Variants in SLC9A8 observed in about 807,000 individuals in gnomAD.
SLC9A8 encodes solute carrier family 9 member A8.
In SLC9A8, 48 loss-of-function variants were observed where a neutral mutation model predicts 66.6. The observed-to-expected ratio is 0.72, with a 90% confidence interval of 0.57 to 0.92. SLC9A8 has a LOEUF of 0.92. Ranked by LOEUF, SLC9A8 falls within the 40% of genes least tolerant of loss-of-function variation. SLC9A8 has a pLI of 0.00. For synonymous variants in SLC9A8, 274 were observed against 282.6 expected, an observed-to-expected ratio of 0.97 and a Z score of 0.31; for missense variants, 599 against 747.3, an observed-to-expected ratio of 0.80 and a Z score of 2.31.
At chr20:49,815,477 G>A (rs559301830) in intron 2 of SLC9A8, 4 of 243,752 alleles carry the variant, frequency 1.6e-5, no homozygotes, top group Non-Finnish European at 1.6e-5. Flanking sequence ...GGCCTGGCGC[G>A]GTGGCTCAAG....
chr20:49,883,938 A>G lies in SLC9A8; in HGVS notation c.1363A>G (p.Ile455Val). The change falls in exon 14 of 16, where the codon ATC becomes GTC. Residue 455 changes from isoleucine to valine, a missense_variant. Physicochemically the swap from Ile to Val is conservative, Grantham distance 29 (BLOSUM62 3). Around this residue, in one of 2 missense-constraint regions of SLC9A8, gnomAD observed 467 missense variants for 626.5 expected, o/e 0.75. Coordinates refer to ENST00000361573, the MANE Select transcript of SLC9A8 (RefSeq NM_015266.3). ...GCTCATCGGCACCACCACCATCGTC[A>G]TCGTGCTCTTCACCATCCTGCTGCT... ...RQLIGTTTIV[I>V]VLFTILLLGG... 6.2e-7 allele frequency: 1 copy of G among 1,612,762 alleles called. No homozygotes were observed. The highest frequency in any genetic ancestry group is 8.5e-7 in the Non-Finnish European group (1 of 1,179,988).
At chr20:49,867,892 G>A (rs960461678) in intron 10 of SLC9A8, among the ~76,000 whole-genome samples, 2 of 152,204 alleles carry the variant, frequency 1.3e-5, no homozygotes, top group African/African-American at 4.8e-5. Context: ...CTACCCAGTC[G>A]CTATCCGGAG....
At chr20:49,887,335 T>A (rs567531905) in intron 15 of SLC9A8, among the ~76,000 whole-genome samples, 45 of 152,246 alleles carry the variant, frequency 3.0e-4, no homozygotes, top group Non-Finnish European at 4.4e-5. Flanking sequence ...CTGCCCGCTT[T>A]GTTTCCGAGC....
chr20:49,820,574 T>C (rs1375915224), intron 2 of SLC9A8, among the ~76,000 whole-genome samples: 1 of 152,028 alleles, frequency 6.6e-6, no homozygotes, highest in East Asian at 1.9e-4. Flanking sequence ...TGAGATGGAA[T>C]CTTGCTCTGT....
chr20:49,858,020 C>T (rs946144918), intron 8 of SLC9A8, among the ~76,000 whole-genome samples: 75 of 152,198 alleles, frequency 4.9e-4, no homozygotes, highest in African/African-American at 1.5e-3. Context: ...GTATCACACA[C>T]ATTGCTACTA....
chr20:49,879,309 G>A (rs1202735111), intron 12 of SLC9A8, among the ~76,000 whole-genome samples: 1 of 152,170 alleles, frequency 6.6e-6, no homozygotes, highest in Non-Finnish European at 1.5e-5. Context: ...TCAAGAGCAT[G>A]GGCTTTGGGG....
At chr20:49,841,683 C>G (rs948106242) in intron 4 of SLC9A8, among the ~76,000 whole-genome samples, 1 of 152,116 alleles carries the variant, frequency 6.6e-6, no homozygotes, top group Non-Finnish European at 1.5e-5. Flanking sequence ...CTCTGCCTCC[C>G]GGGTTCAAGT....
intron 8 of SLC9A8, among the ~76,000 whole-genome samples, chr20:49,857,095 C>T (rs1034545878): frequency 6.6e-6 from 1 of 152,104 alleles, no homozygotes; most frequent in Non-Finnish European, 1.5e-5. Flanking sequence ...AGATTTTTGC[C>T]AAAACACAGA....
intron 3 of SLC9A8, among the ~76,000 whole-genome samples, chr20:49,832,083 C>T (rs1429409440): frequency 6.6e-6 from 1 of 152,160 alleles, no homozygotes; most frequent in African/African-American, 2.4e-5. Context: ...GGTCTCCTCC[C>T]CGCAGTCCCA....
At chr20:49,815,340 C>CCT in intron 2 of SLC9A8, 151 bp downstream of exon 2, 1 of 490,668 alleles carries the variant, frequency 2.0e-6, no homozygotes, top group South Asian at 5.4e-5. Context: ...CAGTTTATAA[C>CCT]ATCATTAACA....
chr20:49,824,428 C>A (rs1438528209), intron 3 of SLC9A8, among the ~76,000 whole-genome samples: 1 of 152,160 alleles, frequency 6.6e-6, no homozygotes, highest in Non-Finnish European at 1.5e-5. Context: ...GTGACTAATA[C>A]CCATAATTCT....
At chr20:49,834,505 CTATA>C (rs1467288363) in intron 3 of SLC9A8, among the ~76,000 whole-genome samples, 4 of 139,468 alleles carry the variant, frequency 2.9e-5, no homozygotes, top group Non-Finnish European at 6.2e-5. Context: ...CACACACACA[CTATA>C]TATATGCCAT....
intron 2 of SLC9A8, among the ~76,000 whole-genome samples, chr20:49,821,833 A>C (rs529205790): frequency 1.3e-5 from 2 of 152,028 alleles, no homozygotes; most frequent in South Asian, 2.1e-4. Flanking sequence ...ACATCTTCTT[A>C]TTTTCTTTCA....
intron 7 of SLC9A8, 36 bp from the exon 8 acceptor site, chr20:49,855,402 C>T (rs2088431726): frequency 1.9e-6 from 3 of 1,605,602 alleles, no homozygotes; most frequent in Admixed American, 1.7e-5. Context: ...AAGTGACACA[C>T]ATTACAGAAT....
intron 3 of SLC9A8, among the ~76,000 whole-genome samples, chr20:49,825,910 C>T (rs1044794997): frequency 6.6e-6 from 1 of 152,184 alleles, no homozygotes; most frequent in African/African-American, 2.4e-5. Context: ...GAGAGAACCT[C>T]CTCTTCTTTC....
intron 8 of SLC9A8, among the ~76,000 whole-genome samples, chr20:49,862,503 T>C (rs1349709200): frequency 6.6e-6 from 1 of 152,168 alleles, no homozygotes; most frequent in East Asian, 1.9e-4. Context: ...TCAAGTGATC[T>C]GCTCACCTCG....
chr20:49,836,335 C>T (rs1379715413), intron 3 of SLC9A8, among the ~76,000 whole-genome samples: 1 of 151,940 alleles, frequency 6.6e-6, no homozygotes, highest in African/African-American at 2.4e-5. Flanking sequence ...CATTTGGGTT[C>T]TTCCCACTTT....
Position 49,886,675 on chromosome 20 carries a change from T to G in SLC9A8, c.1492-77T>G, listed in dbSNP as rs1600830503. 2 of 1,527,806 alleles carry G rather than the reference T, an allele frequency of 1.3e-6. No homozygotes were observed. The highest frequency in any genetic ancestry group is 8.9e-7 in the Non-Finnish European group (1 of 1,125,012). The allele number at this position is 1,527,806 out of a possible 1,614,324, so 94.6% of individuals were successfully genotyped here. A position where few individuals can be genotyped will look rare whatever the true frequency, so the allele number is the denominator to read the frequency against. ...GGGTTGGGGACACTGGCGGCCTGGG[T>G]GGTGTGGGGGCTTCCAGGAGGTGCC... On this transcript the variant is annotated intron_variant, in intron 14 of 15. Coordinates refer to ENST00000361573, the MANE Select transcript of SLC9A8 (RefSeq NM_015266.3). This position sits in a 1 kb window ranked among gnomAD's most constrained non-coding sequence, Gnocchi z 4.8.
At chr20:49,816,994 C>T (rs6095676) in intron 2 of SLC9A8, among the ~76,000 whole-genome samples, 12,988 of 151,838 alleles carry the variant, frequency 0.086, 661 homozygotes, top group Middle Eastern at 0.13. Context: ...TCCCAAAGTG[C>T]TGGGATTACA....
Sources: gnomAD v4.1 joint callset for allele counts (sites outside exome capture counted in the v4.1 genomes callset) on GRCh38, gnomAD v4.1.1 for gene constraint, gnomAD v4.1.1 regional missense constraint, Gnocchi (gnomAD v3.1) non-coding constraint, MANE v1.5 for transcripts, NCBI Gene and HGNC (gene_info 2026-07-23, HGNC 2026-07-21) for gene names.